Variants in FRMPD3 observed in about 807,000 individuals in gnomAD.
The protein encoded by FRMPD3 is FERM and PDZ domain containing 3, also known as FERM and PDZ domain-containing protein 3.
A neutral mutation model predicts 97.9 loss-of-function variants in FRMPD3; 42 were observed. The ratio of observed to expected loss-of-function variants is 0.43; its 90% CI spans 0.34 to 0.55. The LOEUF (loss-of-function observed/expected upper bound fraction) is 0.55, where lower values mean the gene tolerates loss of function less well. FRMPD3 is among the 20% of genes least tolerant of loss of function. FRMPD3 has a pLI of 0.03. For synonymous variants in FRMPD3, 577 were observed against 581.1 expected (o/e 0.99, Z 0.10); for missense variants, 1,303 against 1,457.7 (o/e 0.89, Z 1.73).
intron 1 of FRMPD3, among the ~76,000 whole-genome samples, chrX:107,461,757 T>TTATACA (rs761470965): frequency 0.18 from 16,203 of 91,873 alleles, 1,547 homozygotes; most frequent in Middle Eastern, 0.2. Flanking sequence ...CTGGAATTCA[T>TTATACA]TATACATATA....
rs993261675 is a variant in FRMPD3 at position 107,453,573 on chromosome X, C to T, written c.-8+3568C>T. Reference sequence around the variant, plus strand: ...ATAAGTTCAGAAACAAAAACATTCTCTTGCATTATCGGCAGCCAAAATGAA... The same window carrying T: ...ATAAGTTCAGAAACAAAAACATTCTTTTGCATTATCGGCAGCCAAAATGAA... On this transcript the variant is annotated intron_variant, in intron 1 of 14. Coordinates refer to ENST00000683843, the MANE Select transcript of FRMPD3 (RefSeq NM_001388459.1). 1.1e-4 allele frequency among the ~76,000 whole-genome samples: 12 copies of T among 111,911 alleles called. No individual in the cohort carries two copies. In the Admixed American group the frequency reaches 1.1e-3, roughly 11 times the overall value.
chrX:107,586,442 T>C (rs1923651593), intron 13 of FRMPD3, among the ~76,000 whole-genome samples: 1 of 109,947 alleles, frequency 9.1e-6, no homozygotes, highest in African/African-American at 3.3e-5. Flanking sequence ...TGTTTCTATA[T>C]CCTTCAATTC....
chrX:107,553,231 A>ATGAT (rs1204780920), intron 7 of FRMPD3, among the ~76,000 whole-genome samples: 2 of 108,792 alleles, frequency 1.8e-5, no homozygotes, highest in Non-Finnish European at 3.8e-5. Flanking sequence ...GAAACCCCAC[A>ATGAT]TGATAGATTT....
chrX:107,530,097 A>G, intron 2 of FRMPD3, among the ~76,000 whole-genome samples: 1 of 112,016 alleles, frequency 8.9e-6, no homozygotes, highest in Non-Finnish European at 1.9e-5. Flanking sequence ...AGCATCCTCT[A>G]ACTAGCTCTG....
intron 1 of FRMPD3, among the ~76,000 whole-genome samples, chrX:107,500,722 C>T (rs1921884023): frequency 9.4e-6 from 1 of 106,535 alleles, no homozygotes; most frequent in African/African-American, 3.5e-5. Flanking sequence ...TTGAAAGAAT[C>T]GCGTGAATCT....
At chrX:107,596,405 G>A (rs886986650) in intron 13 of FRMPD3, among the ~76,000 whole-genome samples, 3 of 112,069 alleles carry the variant, frequency 2.7e-5, no homozygotes, top group Non-Finnish European at 3.8e-5. Context: ...GCCTAAGTTA[G>A]TGCTTGTTTG....
At chrX:107,554,988 T>C (rs775084275) in intron 8 of FRMPD3, 2 of 119,105 alleles carry the variant, frequency 1.7e-5, no homozygotes, top group East Asian at 2.4e-4. Flanking sequence ...TGAATAAATA[T>C]GACAGCAGCA....
chrX:107,553,830 A>G (rs1434130182), intron 7 of FRMPD3, among the ~76,000 whole-genome samples: 1 of 111,531 alleles, frequency 9.0e-6, no homozygotes, highest in Non-Finnish European at 1.9e-5. Context: ...TCCAAATGGG[A>G]TTTTAAACTT....
intron 1 of FRMPD3, among the ~76,000 whole-genome samples, chrX:107,507,839 C>A (rs1426364162): frequency 8.9e-6 from 1 of 112,267 alleles, no homozygotes; most frequent in East Asian, 2.8e-4. Context: ...TCCTCCATCC[C>A]CAGTCACTCA....
intron 8 of FRMPD3, among the ~76,000 whole-genome samples, chrX:107,556,422 T>C (rs990470061): frequency 1.8e-5 from 2 of 111,507 alleles, no homozygotes; most frequent in African/African-American, 3.3e-5. Context: ...TTCATGATGA[T>C]ATGGACTTCA....
rs748025191 is a variant in FRMPD3 at position 107,597,791 on chromosome X, A to G, written c.1912A>G (p.Ile638Val). The G allele has an allele frequency of 3.2e-5, 38 of 1,179,968 alleles. No homozygotes were observed. The highest frequency in any genetic ancestry group is 4.2e-5 in the Non-Finnish European group (37 of 880,919). Residue 638 changes from isoleucine to valine, a missense_variant, in exon 14 of 15, where the codon ATA (isoleucine) becomes GTA (valine). Around this residue, in one of 3 missense-constraint regions of FRMPD3, gnomAD observed 535 missense variants for 618.6 expected, o/e 0.86. Coordinates refer to ENST00000683843, the MANE Select transcript of FRMPD3 (RefSeq NM_001388459.1). ...GAAGCCTGGCTCCTCTCGTGACAAT[A>G]TAGTAGATTTGATGTCCCTCCCACC... ...GGKPGSSRDN[I>V]VDLMSLPPPG...
chrX:107,498,329 C>T (rs1012727221), intron 1 of FRMPD3, among the ~76,000 whole-genome samples: 2 of 112,179 alleles, frequency 1.8e-5, no homozygotes, highest in Non-Finnish European at 3.8e-5. Context: ...AGAAAGACTG[C>T]TAAGCAGGGC....
chrX:107,554,334 G>A (rs1164599107), intron 7 of FRMPD3, 51 bp from the exon 8 acceptor site: 7 of 1,169,467 alleles, frequency 6.0e-6, no homozygotes, highest in Non-Finnish European at 8.0e-6. Context: ...CAACACCCCA[G>A]CCATTGATTC....
intron 3 of FRMPD3, among the ~76,000 whole-genome samples, chrX:107,530,987 T>C (rs1922925524): frequency 9.0e-6 from 1 of 110,974 alleles, no homozygotes; most frequent in Admixed American, 9.6e-5. Context: ...TCCATAGTGT[T>C]TGTGTCCCCT....
Position 107,602,440 on chromosome X carries a change from C to G in FRMPD3, c.4401C>G (p.Ala1467=). Residue 1467 remains alanine (A), a synonymous_variant, in exon 15 of 15, where the codon GCC becomes GCG. Coordinates refer to ENST00000683843, the MANE Select transcript of FRMPD3 (RefSeq NM_001388459.1). The part of the protein sequence containing the change: ...APETKGPRQM[A]VFSLPEEVYR... ...AGACCAAAGGCCCCAGACAGATGGC[C>G]GTGTTCTCACTGCCCGAGGAGGTGT... The G allele has an allele frequency of 8.3e-7, 1 of 1,210,725 alleles. No individual in the cohort carries two copies. Among genetic ancestry groups the G allele is most frequent in the Non-Finnish European group, 1.1e-6 (1 of 895,120 alleles).
Position 107,459,200 on chromosome X carries a change from C to T in FRMPD3, c.-8+9195C>T, listed in dbSNP as rs1401949849. Among the ~76,000 whole-genome samples, 3 of 112,612 alleles carry T rather than the reference C, an allele frequency of 2.7e-5. No individual in the cohort carries two copies. The East Asian group carries it at 8.4e-4, about 31-fold the overall frequency. On this transcript the variant is annotated intron_variant, in intron 1 of 14. Transcript: ENST00000683843. ...CAAGCTGGGGTGCTGAGTATTACAT[C>T]CCCCAACAGGGAGGCCGGAGGCAGG...
intron 1 of FRMPD3, among the ~76,000 whole-genome samples, chrX:107,458,296 A>G (rs946407830): frequency 1.8e-5 from 2 of 112,241 alleles, no homozygotes; most frequent in African/African-American, 3.2e-5. Flanking sequence ...CAGAAAAATA[A>G]TACTCATTCA....
intron 1 of FRMPD3, among the ~76,000 whole-genome samples, chrX:107,525,409 C>A (rs1251550730): frequency 8.9e-6 from 1 of 112,542 alleles, no homozygotes; most frequent in Non-Finnish European, 1.9e-5. Context: ...TGTTTGAATA[C>A]TACACTCAGA....
At chrX:107,595,575 AT>A (rs1179389342) in intron 13 of FRMPD3, among the ~76,000 whole-genome samples, 43 of 111,082 alleles carry the variant, frequency 3.9e-4, no homozygotes, top group African/African-American at 1.4e-3. Flanking sequence ...GTCTAGTTTG[AT>A]TTATAGTATT....
Sources: gnomAD v4.1 joint callset for allele counts (sites outside exome capture counted in the v4.1 genomes callset) on GRCh38, gnomAD v4.1.1 for gene constraint, gnomAD v4.1.1 regional missense constraint, MANE v1.5 for transcripts, NCBI Gene and HGNC (gene_info 2026-07-23, HGNC 2026-07-21) for gene names.